TMPO: variants seen among roughly 807,000 people sequenced by gnomAD.
TMPO encodes thymopoietin, also known as LEM domain containing 4.
A neutral mutation model predicts 45.4 loss-of-function variants in TMPO; 22 were observed. The ratio of observed to expected loss-of-function variants is 0.48; its 90% CI spans 0.35 to 0.69. The LOEUF (loss-of-function observed/expected upper bound fraction) is 0.69, where lower values mean the gene tolerates loss of function less well. Ranked by LOEUF, TMPO falls within the 30% of genes least tolerant of loss-of-function variation. The probability of loss-of-function intolerance (pLI) is 0.01; values close to 1 mark genes in which losing one functional copy is unlikely to be tolerated. For synonymous variants in TMPO, 241 were observed against 204.1 expected, an observed-to-expected ratio of 1.18 and a Z score of -1.54; for missense variants, 512 against 548.8, an observed-to-expected ratio of 0.93 and a Z score of 0.67.
rs1194268568 is a variant in TMPO, at chr12:98,523,210, A to T, written c.280-4676A>T. On this transcript the variant is annotated intron_variant, in intron 1 of 8. Coordinates refer to ENST00000556029, the MANE Select transcript of TMPO (RefSeq NM_001032283.3). ...ATTTTTTATCCTTATTAAATCTGAG[A>T]TTTATAAAATGACATCACTTTTCTG... is the stretch of plus-strand genomic sequence containing the variant. 1.3e-5 allele frequency among the ~76,000 whole-genome samples: 2 copies of T among 152,116 alleles called. 1 individual carries two copies. The highest frequency in any genetic ancestry group is 4.8e-5 in the African/African-American group (2 of 41,414).
intron 3 of TMPO, chr12:98,535,611 T>TA (rs1320788758): frequency 6.1e-6 from 6 of 985,332 alleles, no homozygotes; most frequent in African/African-American, 1.7e-5. Context: ...GCAAATTCAA[T>TA]AAAGTTGTTA....
chr12:98,520,046 G>C (rs1412102777), intron 1 of TMPO, among the ~76,000 whole-genome samples: 1 of 151,376 alleles, frequency 6.6e-6, no homozygotes, highest in Non-Finnish European at 1.5e-5. Flanking sequence ...TGCAACCTCT[G>C]CCTCCCGGGT....
In TMPO at chr12:98,535,833, A is replaced by G. The variant is rs529827062; in HGVS notation, c.566-1642A>G. 2.0e-5 allele frequency among the ~76,000 whole-genome samples: 3 copies of G among 152,312 alleles called. No homozygotes were observed. In the South Asian group the frequency reaches 6.2e-4, roughly 32 times the overall value. ...GACCATGTTTTTATTGACTGTTGGAATCTAAATTTATAAGAGGAATTAATC... is the reference window on the plus strand; with the variant it reads ...GACCATGTTTTTATTGACTGTTGGAGTCTAAATTTATAAGAGGAATTAATC... On this transcript the variant is annotated intron_variant, in intron 3 of 8. Coordinates refer to ENST00000556029, the MANE Select transcript of TMPO (RefSeq NM_001032283.3).
At chr12:98,542,682 C>A (rs1224148272) in intron 4 of TMPO, among the ~76,000 whole-genome samples, 1 of 151,936 alleles carries the variant, frequency 6.6e-6, no homozygotes, top group Non-Finnish European at 1.5e-5. Context: ...ATGGCAAAAC[C>A]CTGTCTCTAC....
At chr12:98,525,071 G>C (rs951543299) in intron 1 of TMPO, among the ~76,000 whole-genome samples, 1 of 152,150 alleles carries the variant, frequency 6.6e-6, no homozygotes, top group Non-Finnish European at 1.5e-5. Context: ...TAGTTTTTCT[G>C]TACTACCTGA....
chr12:98,533,884 T>G, intron 3 of TMPO: 1 of 1,614,074 alleles, frequency 6.2e-7, no homozygotes, highest in South Asian at 1.1e-5. Flanking sequence ...AATCCTAGGG[T>G]TTATTTCTGA....
At chr12:98,542,697 A>G (rs1282232179) in intron 4 of TMPO, among the ~76,000 whole-genome samples, 1 of 152,026 alleles carries the variant, frequency 6.6e-6, no homozygotes, top group African/African-American at 2.4e-5. Flanking sequence ...CTCTACTGAA[A>G]ATACAAAAAA....
chr12:98,525,738 C>CACA (rs1371438708), intron 1 of TMPO, among the ~76,000 whole-genome samples: 8 of 95,728 alleles, frequency 8.4e-5, no homozygotes, highest in Non-Finnish European at 8.8e-5. Context: ...GGCACAGTCT[C>CACA]AAAAAAAAAA....
At chr12:98,521,100 A>ATTTTTTTTTTTTT (rs398044704) in intron 1 of TMPO, among the ~76,000 whole-genome samples, 769 of 76,758 alleles carry the variant, frequency 0.01, 108 homozygotes, top group South Asian at 0.016. Flanking sequence ...TTTATGAGGA[A>ATTTTTTTTTTTTT]TTTTTTTTTT....
At chr12:98,518,370 CAGCCTCAAACTCTTTGGCTCACGAG>C (rs1399082638) in intron 1 of TMPO, among the ~76,000 whole-genome samples, 1 of 151,736 alleles carries the variant, frequency 6.6e-6, no homozygotes, top group Non-Finnish European at 1.5e-5. Context: ...TAGCTTACTG[CAGCCTCAAACTCTTTGGCTCACGAG>C]AGCCTCCTGC....
rs2121215513 is a variant in TMPO at position 98,535,106 on chromosome 12, A to ATG, written c.566-2369_566-2368insTG. On this transcript the variant is annotated intron_variant, in intron 3 of 8. Transcript: ENST00000556029. The stretch of plus-strand genomic sequence containing the variant: ...AATTCATGGACCAGTACCATGGACC[A>ATG]CACTTTGAGAAACACTTCTTTGGAT... 3.1e-6 allele frequency: 3 copies of ATG among 981,852 alleles called. No individual in the cohort carries two copies. The South Asian group carries it at 1.4e-4, about 46-fold the overall frequency. The allele number at this position is 981,852 out of a possible 1,614,324, so 60.8% of individuals were successfully genotyped here.
chr12:98,516,908 C>G (rs1875887388), intron 1 of TMPO, among the ~76,000 whole-genome samples: 1 of 152,202 alleles, frequency 6.6e-6, no homozygotes, highest in Non-Finnish European at 1.5e-5. Flanking sequence ...CTCCCGGGTT[C>G]AAGCGATTCT....
At chr12:98,517,815 A>G (rs1875987638) in intron 1 of TMPO, among the ~76,000 whole-genome samples, 1 of 152,248 alleles carries the variant, frequency 6.6e-6, no homozygotes, top group African/African-American at 2.4e-5. Context: ...GTACCCGCTT[A>G]CCCGTTATGT....
chr12:98,519,000 G>T (rs549652864), intron 1 of TMPO, among the ~76,000 whole-genome samples: 1 of 151,212 alleles, frequency 6.6e-6, no homozygotes, highest in Non-Finnish European at 1.5e-5. Context: ...TCCTGCCTCC[G>T]CCTCCCGAGT....
At chr12:98,527,719 A>G in intron 1 of TMPO, 167 bp from the exon 2 acceptor site, 1 of 683,770 alleles carries the variant, frequency 1.5e-6, no homozygotes, top group South Asian at 1.8e-5. Context: ...TCAACTTAGA[A>G]AGTGTTCTCC....
intron 1 of TMPO, among the ~76,000 whole-genome samples, chr12:98,525,383 C>CT (rs1876687408): frequency 6.6e-6 from 1 of 152,100 alleles, no homozygotes. Context: ...TTTTTGGCTT[C>CT]TGATTATAGA....
At chr12:98,539,729 C>G (rs1877801851) in intron 4 of TMPO, among the ~76,000 whole-genome samples, 1 of 152,188 alleles carries the variant, frequency 6.6e-6, no homozygotes, top group African/African-American at 2.4e-5. Flanking sequence ...CCGCCTTGGC[C>G]TCCCAGATTG....
chr12:98,539,157 G>A lies in TMPO; in HGVS notation c.663+1585G>A, dbSNP rs12812858. Among the ~76,000 whole-genome samples, 17 of 152,050 alleles carry A rather than the reference G, an allele frequency of 1.1e-4. No homozygotes were observed. The East Asian group carries it at 2.9e-3, about 26-fold the overall frequency. On this transcript the variant is annotated intron_variant, in intron 4 of 8. Transcript: ENST00000556029. ...GGAGGTTGCTGTGAGCCGAGATCGC[G>A]CCATTGCACTCTAGCCTGGGCAACA...
chr12:98,544,880 C>A (rs1878129571), intron 6 of TMPO, 71 bp from the exon 7 acceptor site: 4 of 1,222,048 alleles, frequency 3.3e-6, no homozygotes, highest in African/African-American at 1.5e-5. Context: ...GATAAAATAT[C>A]TTTCTTTTCT....
Sources: allele counts gnomAD v4.1 joint callset (sites outside exome capture counted in the v4.1 genomes callset), GRCh38; gene constraint gnomAD v4.1.1; transcripts MANE v1.5; gene names NCBI Gene and HGNC (gene_info 2026-07-23, HGNC 2026-07-21).